The following GLB1 variants were observed in gnomAD, a reference collection of about 807,000 sequenced individuals.
GLB1 encodes the protein galactosidase beta 1, also known as beta-galactosidase.
In GLB1, 56 loss-of-function variants were observed where a neutral mutation model predicts 74.0. The ratio of observed to expected loss-of-function variants is 0.76; its 90% CI spans 0.61 to 0.94. GLB1 has a LOEUF of 0.94. Among genes scored for constraint, GLB1 ranks in the 40% least tolerant of loss-of-function variants. GLB1 has a pLI of 0.00. For synonymous variants in GLB1, 323 were observed against 323.6 expected (o/e 1.00, Z 0.02); for missense variants, 787 against 845.5 (o/e 0.93, Z 0.86).
intron 10 of GLB1, among the ~76,000 whole-genome samples, chr3:33,031,900 C>T (rs1255121984): frequency 6.6e-6 from 1 of 151,704 alleles, no homozygotes; most frequent in Non-Finnish European, 1.5e-5. Context: ...TGGGTTCAAG[C>T]GATTCTCCTG....
At chr3:32,983,067 T>G in the GLB1 span, among the ~76,000 whole-genome samples, 1 of 152,228 alleles carries the variant, frequency 6.6e-6, no homozygotes, top group African/African-American at 2.4e-5. Flanking sequence ...AATTTTACTT[T>G]GACATGTCTA....
chr3:33,031,600 A>C, intron 10 of GLB1, among the ~76,000 whole-genome samples: 1 of 116,314 alleles, frequency 8.6e-6, no homozygotes, highest in South Asian at 3.4e-4. Flanking sequence ...TGACAGAGCA[A>C]GGCTCTGTCT....
At chr3:33,064,149 C>T (rs9824270) in intron 5 of GLB1, among the ~76,000 whole-genome samples, 148,083 of 152,272 alleles carry the variant, frequency 0.97, 72,123 homozygotes, top group East Asian at 1. Flanking sequence ...AAAAGCATCC[C>T]TGGTCATAGC....
At chr3:32,979,220 C>T in the GLB1 span, among the ~76,000 whole-genome samples, 4 of 152,044 alleles carry the variant, frequency 2.6e-5, no homozygotes, top group African/African-American at 9.7e-5. Flanking sequence ...AGGTGATCCA[C>T]CTGCTCCGGT....
At chr3:32,984,287 G>A in the GLB1 span, among the ~76,000 whole-genome samples, 1 of 151,966 alleles carries the variant, frequency 6.6e-6, no homozygotes, top group Non-Finnish European at 1.5e-5. Flanking sequence ...GTTCCTCTGA[G>A]GGGAATTCAA....
chr3:33,056,460 T>G (rs1247659645), intron 6 of GLB1, among the ~76,000 whole-genome samples: 1 of 151,724 alleles, frequency 6.6e-6, no homozygotes, highest in East Asian at 1.9e-4. Flanking sequence ...GTTGCCCAGC[T>G]TGGGGTGCAG....
rs1164150654 is a variant in GLB1, at chr3:33,026,671, C to T, written c.1069-2346G>A. On this transcript the variant is annotated intron_variant, in intron 10 of 15. Coordinates refer to ENST00000307363, the MANE Select transcript of GLB1 (RefSeq NM_000404.4). The stretch of plus-strand genomic sequence containing the variant: ...ACCTCCTCCCCACTGAAGCCCATAA[C>T]AACTGCTGGCTCAGCAAGACCAGAA... Among the ~76,000 whole-genome samples, 3 of 152,160 alleles carry T rather than the reference C, an allele frequency of 2.0e-5. No homozygotes were observed. In the East Asian group the frequency reaches 5.8e-4, roughly 29 times the overall value.
chr3:33,090,717 T>C, intron 1 of GLB1: 1 of 985,362 alleles, frequency 1.0e-6, no homozygotes, highest in Non-Finnish European at 1.2e-6. Context: ...ATGGAGAAAT[T>C]TCTGCTGCAA....
At chr3:32,961,807 A>G in the GLB1 span, among the ~76,000 whole-genome samples, 1 of 152,232 alleles carries the variant, frequency 6.6e-6, no homozygotes, top group Admixed American at 6.5e-5. Flanking sequence ...CTCCAGAGGC[A>G]TTCCAGCTAG....
chr3:33,044,340 T>A (rs965444096), intron 10 of GLB1, among the ~76,000 whole-genome samples: 1 of 152,154 alleles, frequency 6.6e-6, no homozygotes, highest in Non-Finnish European at 1.5e-5. Context: ...AAAATAGATA[T>A]GTTTAGAAGC....
chr3:33,032,708 C>A (rs1259688204), intron 10 of GLB1, among the ~76,000 whole-genome samples: 1 of 152,198 alleles, frequency 6.6e-6, no homozygotes, highest in East Asian at 1.9e-4. Flanking sequence ...CAGGCAAGAG[C>A]CACTGTGCCC....
chr3:32,961,618 C>T, the GLB1 span, among the ~76,000 whole-genome samples: 3 of 152,142 alleles, frequency 2.0e-5, no homozygotes, highest in Non-Finnish European at 2.9e-5. Context: ...CCATCGCCTT[C>T]GTCCTAGGCA....
At chr3:33,056,367 A>C (rs1329313613) in intron 6 of GLB1, among the ~76,000 whole-genome samples, 2 of 151,510 alleles carry the variant, frequency 1.3e-5, no homozygotes, top group African/African-American at 4.8e-5. Context: ...AGGGGAGAAC[A>C]TCAGGGTCTT....
At chr3:33,007,039 G>A (rs975818478) in intron 15 of GLB1, among the ~76,000 whole-genome samples, 1 of 152,140 alleles carries the variant, frequency 6.6e-6, no homozygotes, top group Non-Finnish European at 1.5e-5. Context: ...GTTCTGAGGT[G>A]GCTGATCATT....
intron 5 of GLB1, among the ~76,000 whole-genome samples, chr3:33,064,644 G>A (rs1489637474): frequency 6.6e-6 from 1 of 151,306 alleles, no homozygotes; most frequent in African/African-American, 2.4e-5. Flanking sequence ...AGGCATGGTG[G>A]CATGCGCCTG....
chr3:33,059,073 T>C (rs2125534479), intron 5 of GLB1, among the ~76,000 whole-genome samples: 2 of 152,340 alleles, frequency 1.3e-5, no homozygotes, highest in Admixed American at 1.3e-4. Context: ...CATCCCACAG[T>C]GCACAGGGAA....
At chr3:32,973,802 T>TCAAA in the GLB1 span, among the ~76,000 whole-genome samples, 2 of 152,160 alleles carry the variant, frequency 1.3e-5, no homozygotes, top group African/African-American at 4.8e-5. Context: ...AAATACTATT[T>TCAAA]CAAACAAACA....
chr3:33,016,910 C>A, intron 13 of GLB1, 70 bp from the exon 14 acceptor site: 1 of 1,591,850 alleles, frequency 6.3e-7, no homozygotes, highest in South Asian at 1.1e-5. Context: ...GCAGCATGCT[C>A]AGTTAATTTA....
chr3:33,005,595 C>T (rs754702962), intron 15 of GLB1, among the ~76,000 whole-genome samples: 1 of 151,770 alleles, frequency 6.6e-6, no homozygotes, highest in Non-Finnish European at 1.5e-5. Context: ...TTGCTGGGCT[C>T]AAGCAATCCT....
Sources: allele counts gnomAD v4.1 joint callset (sites outside exome capture counted in the v4.1 genomes callset), GRCh38; gene constraint gnomAD v4.1.1; transcripts MANE v1.5; gene names NCBI Gene and HGNC (gene_info 2026-07-23, HGNC 2026-07-21).